DOCK4: variants seen among roughly 807,000 people sequenced by gnomAD.
The protein encoded by DOCK4 is dedicator of cytokinesis protein 4.
DOCK4 carries 97 observed loss-of-function variants against 268.1 expected under a neutral mutation model. The observed-to-expected ratio is 0.36, with a 90% confidence interval of 0.31 to 0.43. DOCK4 has a LOEUF of 0.43. Ranked by LOEUF, DOCK4 falls within the 20% of genes least tolerant of loss-of-function variation. The pLI, the probability that DOCK4 is intolerant of heterozygous loss-of-function variation, is 1.00. For synonymous variants in DOCK4, 954 were observed against 887.2 expected (o/e 1.08, Z -1.34); for missense variants, 2,145 against 2,455.7 (o/e 0.87, Z 2.67).
chr7:112,122,431 T>C (rs2523007), intron 1 of DOCK4, among the ~76,000 whole-genome samples: 71,688 of 151,840 alleles, frequency 0.47, 17,042 homozygotes, highest in South Asian at 0.59. Flanking sequence ...CTCTTTTTTC[T>C]TCTTCTTCTT....
intron 1 of DOCK4, among the ~76,000 whole-genome samples, chr7:112,063,564 G>C (rs1226223701): frequency 1.3e-5 from 2 of 152,100 alleles, no homozygotes; most frequent in Non-Finnish European, 2.9e-5. Context: ...ACTAACCCAG[G>C]AAAAGATCAA....
At chr7:111,978,807 C>T (rs1798392625) in intron 7 of DOCK4, among the ~76,000 whole-genome samples, 1 of 152,158 alleles carries the variant, frequency 6.6e-6, no homozygotes, top group South Asian at 2.1e-4. Flanking sequence ...TATAGTTGGA[C>T]CAACAGTTCA....
intron 1 of DOCK4, among the ~76,000 whole-genome samples, chr7:112,142,949 A>G (rs1815073852): frequency 6.6e-6 from 1 of 152,156 alleles, no homozygotes; most frequent in Non-Finnish European, 1.5e-5. Flanking sequence ...TGTACCTGGA[A>G]ACAAAGAACT....
intron 1 of DOCK4, among the ~76,000 whole-genome samples, chr7:112,041,342 T>C (rs938583928): frequency 6.6e-6 from 1 of 152,234 alleles, no homozygotes; most frequent in Non-Finnish European, 1.5e-5. Context: ...TCATGGTATA[T>C]TTCCATATTA....
rs184316098 is a variant in DOCK4 at position 112,046,297 on chromosome 7, A to G, written c.38-42166T>C. On this transcript the variant is annotated intron_variant, in intron 1 of 52. Transcript: ENST00000428084. ...ATACAACTTTGGAATTCTCAAAAGA[A>G]AGCATTCTTCATTTGTTCTGCCTTG... is the stretch of plus-strand genomic sequence containing the variant. Among the ~76,000 whole-genome samples, 242 of 152,338 alleles carry G rather than the reference A, an allele frequency of 1.6e-3. 2 individuals are homozygous for G. Among genetic ancestry groups the G allele is most frequent in the East Asian group, 4.2e-3 (22 of 5,184 alleles).
chr7:112,058,744 A>C (rs1267531643), intron 1 of DOCK4, among the ~76,000 whole-genome samples: 1 of 152,202 alleles, frequency 6.6e-6, no homozygotes, highest in East Asian at 1.9e-4. Flanking sequence ...AGAGAGAAAG[A>C]AAAAGGAAAA....
At chr7:111,876,724 C>G (rs899581907) in intron 17 of DOCK4, among the ~76,000 whole-genome samples, 1 of 147,230 alleles carries the variant, frequency 6.8e-6, no homozygotes, top group Non-Finnish European at 1.5e-5. Flanking sequence ...CTATAAAACA[C>G]GAGATTAAGG....
chr7:111,863,305 C>T, intron 23 of DOCK4, 67 bp downstream of exon 23: 4 of 1,571,990 alleles, frequency 2.5e-6, no homozygotes, highest in Non-Finnish European at 3.5e-6. Flanking sequence ...CATCTGCTGA[C>T]CAATGGCTAC....
Position 111,747,347 on chromosome 7 carries a change from G to C in DOCK4, c.4513C>G (p.Gln1505Glu), listed in dbSNP as rs773868927. The change falls in exon 43 of 53, where the codon CAG becomes GAG. Residue 1505 changes from glutamine to glutamate, a missense_variant. Gln to Glu is a conservative substitution (Grantham distance 29). Transcript: ENST00000428084. ...CACATAGTCAGGGGATTAATATTCT[G>C]CATCTGTCTTGTCTGACACTGACTA... ...LISQCQTRQMQNINPLTMCLN... is the reference protein window; with the variant it reads ...LISQCQTRQMENINPLTMCLN... 6.2e-7 allele frequency: 1 copy of C among 1,613,594 alleles called. No homozygotes were observed. Among genetic ancestry groups the C allele is most frequent in the South Asian group, 1.1e-5 (1 of 91,058 alleles).
intron 20 of DOCK4, among the ~76,000 whole-genome samples, chr7:111,870,395 G>A (rs891065168): frequency 7.0e-6 from 1 of 143,454 alleles, no homozygotes; most frequent in Non-Finnish European, 1.5e-5. Flanking sequence ...TTGGCTCACC[G>A]CAACCTCTGC....
intron 39 of DOCK4, among the ~76,000 whole-genome samples, chr7:111,762,958 G>T (rs1334891818): frequency 6.6e-6 from 1 of 151,048 alleles, no homozygotes; most frequent in African/African-American, 2.4e-5. Context: ...AGTAGAGATG[G>T]GGTCTCACTA....
At chr7:112,056,455 T>C (rs1210371826) in intron 1 of DOCK4, among the ~76,000 whole-genome samples, 1 of 152,152 alleles carries the variant, frequency 6.6e-6, no homozygotes, top group Non-Finnish European at 1.5e-5. Flanking sequence ...ATGTGTAAGC[T>C]CTCCTAATGT....
intron 13 of DOCK4, among the ~76,000 whole-genome samples, chr7:111,903,773 A>T (rs1340891207): frequency 6.6e-6 from 1 of 152,226 alleles, no homozygotes; most frequent in Admixed American, 6.5e-5. Flanking sequence ...CAGATGTGGC[A>T]GGTAAAAAAA....
chr7:111,804,942 T>A (rs1024053315), intron 30 of DOCK4, among the ~76,000 whole-genome samples: 4 of 152,192 alleles, frequency 2.6e-5, no homozygotes, highest in Non-Finnish European at 5.9e-5. Flanking sequence ...TTAAAAAATG[T>A]TTTAAAACTA....
Position 112,059,615 on chromosome 7 carries a change from A to T in DOCK4, c.38-55484T>A, listed in dbSNP as rs545931597. Among the ~76,000 whole-genome samples, 4 of 152,342 alleles carry T rather than the reference A, an allele frequency of 2.6e-5. No homozygotes were observed. In the East Asian group the frequency reaches 7.7e-4, roughly 29 times the overall value. ...ACTCATGACATGATAAAATCAGAGA[A>T]TTTTAGATATCCAACATTGTTTCCT... On this transcript the variant is annotated intron_variant, in intron 1 of 52. Transcript: ENST00000428084.
At chr7:111,851,540 C>A (rs183558823) in intron 23 of DOCK4, among the ~76,000 whole-genome samples, 31 of 151,350 alleles carry the variant, frequency 2.0e-4, no homozygotes, top group African/African-American at 7.3e-4. Context: ...AGGTACAAAA[C>A]CTCAAACTAT....
At chr7:112,082,163 G>C (rs1207207947) in intron 1 of DOCK4, among the ~76,000 whole-genome samples, 1 of 152,168 alleles carries the variant, frequency 6.6e-6, no homozygotes, top group African/African-American at 2.4e-5. Flanking sequence ...CAGTAGTAAT[G>C]AAATATTGAA....
At chr7:112,167,347 A>G (rs1053626010) in intron 1 of DOCK4, among the ~76,000 whole-genome samples, 1 of 152,190 alleles carries the variant, frequency 6.6e-6, no homozygotes, top group African/African-American at 2.4e-5. Context: ...TCTGGCCTGT[A>G]GCCGGATGGC....
At chr7:111,778,875 T>C (rs1798616643) in intron 35 of DOCK4, among the ~76,000 whole-genome samples, 2 of 151,862 alleles carry the variant, frequency 1.3e-5, no homozygotes, top group Non-Finnish European at 2.9e-5. Context: ...GCCAACATGG[T>C]GAAACCCCAT....
Sources: allele counts gnomAD v4.1 joint callset (sites outside exome capture counted in the v4.1 genomes callset), GRCh38; gene constraint gnomAD v4.1.1; transcripts MANE v1.5; gene names NCBI Gene and HGNC (gene_info 2026-07-23, HGNC 2026-07-21).